Variants in BMP6 observed in about 807,000 individuals in gnomAD.
BMP6 encodes the protein VG-1-R.
Under a neutral mutation model 54.1 loss-of-function variants are expected in BMP6, and 17 were observed. The ratio of observed to expected loss-of-function variants is 0.31; its 90% CI spans 0.22 to 0.47. The LOEUF (loss-of-function observed/expected upper bound fraction) is 0.47, where lower values mean the gene tolerates loss of function less well. BMP6 is among the 20% of genes least tolerant of loss of function. The pLI, the probability that BMP6 is intolerant of heterozygous loss-of-function variation, is 1.00. For synonymous variants in BMP6, 328 were observed against 291.2 expected, an observed-to-expected ratio of 1.13 and a Z score of -1.28; for missense variants, 720 against 690.4, an observed-to-expected ratio of 1.04 and a Z score of -0.48.
intron 1 of BMP6, among the ~76,000 whole-genome samples, chr6:7,733,928 C>T (rs1415213976): frequency 1.3e-5 from 2 of 152,104 alleles, no homozygotes; most frequent in Admixed American, 6.5e-5. Flanking sequence ...TCTGAAGTTT[C>T]GAGAGTACCA....
At chr6:7,849,102 T>A (rs267196) in intron 2 of BMP6, among the ~76,000 whole-genome samples, 57,315 of 151,996 alleles carry the variant, frequency 0.38, 11,569 homozygotes, top group East Asian at 0.72. Flanking sequence ...AAAGACGAAG[T>A]ACCGGAAAGA....
intron 2 of BMP6, among the ~76,000 whole-genome samples, chr6:7,855,063 C>T (rs1264272445): frequency 1.3e-5 from 2 of 152,156 alleles, no homozygotes; most frequent in Non-Finnish European, 2.9e-5. Flanking sequence ...TAGCCTAATT[C>T]GATGACACCC....
intron 1 of BMP6, among the ~76,000 whole-genome samples, chr6:7,840,921 T>A (rs1008468601): frequency 6.6e-6 from 1 of 152,112 alleles, no homozygotes; most frequent in Admixed American, 6.5e-5. Context: ...TCACTCGAAT[T>A]GAAAAAGCTA....
At chr6:7,733,864 A>G (rs1234775075) in intron 1 of BMP6, among the ~76,000 whole-genome samples, 1 of 152,166 alleles carries the variant, frequency 6.6e-6, no homozygotes, top group Non-Finnish European at 1.5e-5. Flanking sequence ...AAGGAAAGCC[A>G]TCACCACTTC....
chr6:7,727,309 G>C lies in BMP6; in HGVS notation c.354G>C (p.Gln118His), dbSNP rs753269481. Residue 118 changes from glutamine (Q) to histidine (H), a missense_variant, in exon 1 of 7, where the codon CAG becomes CAC. This residue lies in a region of BMP6 where 650 missense variants were observed against 556.3 expected (regional missense o/e 1.17). Coordinates refer to ENST00000283147, the MANE Select transcript of BMP6 (RefSeq NM_001718.6). ...RQQEEQQQQQQLPRGEPPPGR... is the reference protein window; with the variant it reads ...RQQEEQQQQQHLPRGEPPPGR... ...AGGAGGAGCAGCAGCAGCAGCAGCAGCTGCCTCGCGGAGAGCCCCCTCCCG... is the reference window on the plus strand; with the variant it reads ...AGGAGGAGCAGCAGCAGCAGCAGCACCTGCCTCGCGGAGAGCCCCCTCCCG... 10 of 1,608,254 alleles carry C rather than the reference G, an allele frequency of 6.2e-6. No individual in the cohort carries two copies. The highest frequency in any genetic ancestry group is 7.6e-6 in the Non-Finnish European group (9 of 1,178,130).
At chr6:7,770,724 CAG>C (rs1236927842) in intron 1 of BMP6, among the ~76,000 whole-genome samples, 4 of 152,202 alleles carry the variant, frequency 2.6e-5, no homozygotes, top group Non-Finnish European at 5.9e-5. Context: ...TTTACTAACT[CAG>C]AAGTTCTAGG....
intron 1 of BMP6, among the ~76,000 whole-genome samples, chr6:7,782,008 GC>G (rs1360258974): frequency 6.6e-6 from 1 of 151,432 alleles, no homozygotes; most frequent in African/African-American, 2.4e-5. Context: ...GGACACAGGG[GC>G]CCCATTTAGG....
chr6:7,813,301 A>G (rs1393981155), intron 1 of BMP6, among the ~76,000 whole-genome samples: 3 of 145,542 alleles, frequency 2.1e-5, no homozygotes, highest in African/African-American at 7.5e-5. Context: ...GTGGAATGAC[A>G]TGGGTTTTAA....
chr6:7,836,168 C>T (rs1390713244), intron 1 of BMP6, among the ~76,000 whole-genome samples: 1 of 151,828 alleles, frequency 6.6e-6, no homozygotes, highest in Non-Finnish European at 1.5e-5. Flanking sequence ...AAATTAATAC[C>T]TATATTTGGG....
chr6:7,808,952 AC>A (rs1208216676), intron 1 of BMP6, among the ~76,000 whole-genome samples: 1 of 146,906 alleles, frequency 6.8e-6, no homozygotes, highest in Non-Finnish European at 1.5e-5. Context: ...GTGAACATTC[AC>A]CTACTCTGAT....
intron 1 of BMP6, among the ~76,000 whole-genome samples, chr6:7,827,107 G>A (rs7741946): frequency 0.052 from 7,845 of 152,238 alleles, 283 homozygotes; most frequent in African/African-American, 0.095. Context: ...CCTGCGGAAA[G>A]GCCTTTTTGT....
At chr6:7,727,880 G>A (rs1448908884) in intron 1 of BMP6, among the ~76,000 whole-genome samples, 1 of 151,558 alleles carries the variant, frequency 6.6e-6, no homozygotes, top group East Asian at 1.9e-4. Flanking sequence ...CTCCGGGAGC[G>A]CTGTCCCCAG....
chr6:7,732,478 A>G (rs892319917), intron 1 of BMP6, among the ~76,000 whole-genome samples: 3 of 152,184 alleles, frequency 2.0e-5, no homozygotes, highest in Admixed American at 1.3e-4. Flanking sequence ...TAGTTCCTCT[A>G]TTTGAGAGCT....
intron 1 of BMP6, among the ~76,000 whole-genome samples, chr6:7,756,964 A>G (rs2113135784): frequency 6.6e-6 from 1 of 152,258 alleles, no homozygotes; most frequent in East Asian, 1.9e-4. Context: ...GCAGTTCAGA[A>G]CTCAGCCAAA....
rs1044104 is a variant in BMP6 at position 7,881,078 on chromosome 6, A to G, written c.*735A>G. 0.35 allele frequency: 52,715 copies of G among 152,204 alleles called. 9,915 individuals are homozygous for G. The highest frequency in any genetic ancestry group is 0.66 in the East Asian group (3,402 of 5,180). 9.4% of individuals were successfully genotyped at this position (152,204 alleles called of 1,614,324 possible). ...TGTAACCGTGTAACACGTGAAGGCA[A>G]TGCTCACCTCTTCTTTACCAGAACG... is the stretch of plus-strand genomic sequence containing the variant. On this transcript the variant is annotated 3_prime_UTR_variant, in exon 7 of 7. Transcript: ENST00000283147.
At chr6:7,841,797 C>G (rs9505288) in intron 1 of BMP6, among the ~76,000 whole-genome samples, 3,265 of 152,248 alleles carry the variant, frequency 0.021, 119 homozygotes, top group African/African-American at 0.072. Context: ...AAAGAAAGTT[C>G]AGAGTACTTC....
chr6:7,817,636 A>G (rs546139422), intron 1 of BMP6, among the ~76,000 whole-genome samples: 20 of 152,014 alleles, frequency 1.3e-4, no homozygotes, highest in East Asian at 3.9e-4. Flanking sequence ...TGATGAGTTA[A>G]TGGGTGCAGC....
At chr6:7,772,737 CT>C (rs1757809585) in intron 1 of BMP6, among the ~76,000 whole-genome samples, 1 of 152,202 alleles carries the variant, frequency 6.6e-6, no homozygotes, top group Non-Finnish European at 1.5e-5. Context: ...TCCTCTCCCC[CT>C]GGACACCGCT....
intron 1 of BMP6, among the ~76,000 whole-genome samples, chr6:7,807,631 C>T (rs1279797323): frequency 6.6e-6 from 1 of 152,130 alleles, no homozygotes; most frequent in Non-Finnish European, 1.5e-5. Flanking sequence ...CCTACCAATT[C>T]AGAAACTCCA....
Sources: gnomAD v4.1 joint callset for allele counts (sites outside exome capture counted in the v4.1 genomes callset) on GRCh38, gnomAD v4.1.1 for gene constraint, gnomAD v4.1.1 regional missense constraint, MANE v1.5 for transcripts, NCBI Gene and HGNC (gene_info 2026-07-23, HGNC 2026-07-21) for gene names.